ZFHX3: variants seen among roughly 807,000 people sequenced by gnomAD.
ZFHX3 encodes zinc finger homeobox 3, also known as zinc finger homeobox protein 3.
Under a neutral mutation model 279.1 loss-of-function variants are expected in ZFHX3, and 42 were observed. That is an observed-to-expected ratio of 0.15 (90% CI 0.12 to 0.19). The LOEUF is 0.19. ZFHX3 is among the 10% of genes least tolerant of loss of function. The pLI is 1.00. For synonymous variants in ZFHX3, 2,293 were observed against 1,957.8 expected (o/e 1.17, Z -4.52); for missense variants, 4,981 against 4,754.0 (o/e 1.05, Z -1.40).
intron 1 of ZFHX3, among the ~76,000 whole-genome samples, chr16:72,967,170 T>C (rs1961882336): frequency 6.6e-6 from 1 of 152,232 alleles, no homozygotes; most frequent in Non-Finnish European, 1.5e-5. Context: ...CCTTTTCTTT[T>C]TTTCTCTTAG....
chr16:73,436,036 A>T (rs2143525479), intron 3 of ZFHX3, among the ~76,000 whole-genome samples: 1 of 152,360 alleles, frequency 6.6e-6, no homozygotes, highest in South Asian at 2.1e-4. Context: ...TAATTTATAA[A>T]GAAAAAGAGG....
Position 73,168,602 on chromosome 16 carries a change from A to G in ZFHX3, c.-1103-24771T>C, listed in dbSNP as rs1279624681. Among the ~76,000 whole-genome samples the G allele has an allele frequency of 4.6e-5, 7 of 152,162 alleles. No homozygotes were observed. In the East Asian group the frequency reaches 1.2e-3, roughly 25 times the overall value. ...TTCTCTGTACCTAAATGTTCTACTGAGCCCAAATTCTCTTCTCTCCATTCT... is the reference window on the plus strand; with the variant it reads ...TTCTCTGTACCTAAATGTTCTACTGGGCCCAAATTCTCTTCTCTCCATTCT... On this transcript the variant is annotated intron_variant, in intron 5 of 17. Coordinates refer to the ZFHX3 transcript ENST00000641206.
intron 4 of ZFHX3, among the ~76,000 whole-genome samples, chr16:73,285,271 G>A (rs1597262103): frequency 6.6e-6 from 1 of 152,342 alleles, no homozygotes; most frequent in Admixed American, 6.5e-5. Context: ...CCCACAAGGC[G>A]ATGAGGTCCA....
intron 5 of ZFHX3, among the ~76,000 whole-genome samples, chr16:73,250,818 G>A (rs1267588499): frequency 6.6e-6 from 1 of 152,196 alleles, no homozygotes; most frequent in Non-Finnish European, 1.5e-5. Flanking sequence ...ACAAGTGTGA[G>A]CCTTTAAGCC....
chr16:73,695,427 C>T (rs1597070475), intron 1 of ZFHX3, among the ~76,000 whole-genome samples: 1 of 152,006 alleles, frequency 6.6e-6, no homozygotes, highest in East Asian at 1.9e-4. Flanking sequence ...ATAATAATCT[C>T]CTCTCATTTG....
intron 1 of ZFHX3, among the ~76,000 whole-genome samples, chr16:73,706,877 C>T (rs2053310138): frequency 6.6e-6 from 1 of 152,192 alleles, no homozygotes; most frequent in African/African-American, 2.4e-5. Flanking sequence ...ATTATGACTG[C>T]TCCATGAGTT....
chr16:73,659,497 T>C (rs913670675), intron 2 of ZFHX3, among the ~76,000 whole-genome samples: 8 of 152,010 alleles, frequency 5.3e-5, no homozygotes, highest in African/African-American at 1.9e-4. Flanking sequence ...TTCCTAAATG[T>C]TACCCTCAGA....
upstream of ZFHX3, among the ~76,000 whole-genome samples, chr16:73,052,961 T>C (rs754255496): frequency 3.5e-4 from 53 of 152,190 alleles, no homozygotes; most frequent in Non-Finnish European, 6.6e-4. Context: ...GGCTTTCACA[T>C]GGAGCCAAGT....
At chr16:72,850,034 CAA>C (rs1252523664) in intron 4 of ZFHX3, among the ~76,000 whole-genome samples, 1 of 152,058 alleles carries the variant, frequency 6.6e-6, no homozygotes, top group Non-Finnish European at 1.5e-5. Flanking sequence ...TCAGAGCAAA[CAA>C]GAGGATTAGA....
At chr16:73,462,777 G>A (rs1597344737) in intron 2 of ZFHX3, among the ~76,000 whole-genome samples, 1 of 151,972 alleles carries the variant, frequency 6.6e-6, no homozygotes, top group African/African-American at 2.4e-5. Context: ...ACTGAGTCAC[G>A]GTGTATCATT....
intron 1 of ZFHX3, among the ~76,000 whole-genome samples, chr16:73,684,917 T>C (rs1567551350): frequency 6.6e-6 from 1 of 152,118 alleles, no homozygotes; most frequent in Non-Finnish European, 1.5e-5. Context: ...GTCAGGCTGG[T>C]CTTGAACTCC....
chr16:73,662,701 G>A (rs111822524), intron 2 of ZFHX3, among the ~76,000 whole-genome samples: 2 of 152,182 alleles, frequency 1.3e-5, no homozygotes, highest in African/African-American at 4.8e-5. Context: ...ACAAAGCAAT[G>A]CTGAAAGCGA....
intron 1 of ZFHX3, among the ~76,000 whole-genome samples, chr16:73,740,598 T>A (rs2053648543): frequency 6.6e-6 from 1 of 152,222 alleles, no homozygotes; most frequent in Admixed American, 6.5e-5. Flanking sequence ...GGTATTCATT[T>A]TACCATGCTT....
At chr16:73,724,693 C>T (rs1161875615) in intron 1 of ZFHX3, among the ~76,000 whole-genome samples, 1 of 152,238 alleles carries the variant, frequency 6.6e-6, no homozygotes, top group East Asian at 1.9e-4. Context: ...CTCTGCCTAG[C>T]AACTTCCTCG....
intron 1 of ZFHX3, among the ~76,000 whole-genome samples, chr16:73,751,647 C>A (rs1393739195): frequency 1.3e-5 from 2 of 152,104 alleles, no homozygotes; most frequent in Non-Finnish European, 2.9e-5. Context: ...AATACAAATG[C>A]ATAGTTTTAT....
intron 1 of ZFHX3, among the ~76,000 whole-genome samples, chr16:73,782,820 C>A (rs951058106): frequency 1.3e-5 from 2 of 152,124 alleles, no homozygotes; most frequent in African/African-American, 4.8e-5. Context: ...ATGGAGCAGA[C>A]CCTTATCCAA....
intron 1 of ZFHX3, among the ~76,000 whole-genome samples, chr16:73,793,532 C>T (rs569359290): frequency 4.3e-4 from 66 of 152,328 alleles, no homozygotes; most frequent in Non-Finnish European, 7.2e-4. Context: ...TGCTTGACTA[C>T]GCGGTTCATA....
In ZFHX3 at chr16:73,003,519, C is replaced by CT. The variant is rs34361775; in HGVS notation, c.-49-43326_-49-43325insA. Among the ~76,000 whole-genome samples the CT allele has an allele frequency of 2.9e-3, 425 of 144,338 alleles. 12 individuals are homozygous for CT. The highest frequency in any genetic ancestry group is 0.024 in the Admixed American group (348 of 14,248). The allele number at this position is 144,338 out of a possible 152,430, so 94.7% of individuals were successfully genotyped here. ...CCTGGCCAACATGGTGAGACCCCCC[C>CT]CTCCCCACCCCGCCCCATCTCTTAA... On this transcript the variant is annotated intron_variant, in intron 1 of 9. Transcript: ENST00000268489.
In ZFHX3 at chr16:72,793,811, C is replaced by T. The variant is rs180825778; in HGVS notation, c.8871G>A (p.Gln2957=). ...KRFRTQMTNL[Q]LKVLKSCFND... is the part of the protein sequence containing the mutation. ...TAAAGCATGACTTGAGGACCTTCAGCTGCAGATTGGTCATTTGAGTGCGAA... is the reference window on the plus strand; with the variant it reads ...TAAAGCATGACTTGAGGACCTTCAGTTGCAGATTGGTCATTTGAGTGCGAA... Residue 2957 remains glutamine (Q), a synonymous_variant, in exon 9 of 10, where the codon CAG becomes CAA. Transcript: ENST00000268489. This position sits in a 1 kb window ranked among gnomAD's most constrained non-coding sequence, Gnocchi z 4.3. 36 of 1,614,188 alleles carry T rather than the reference C, an allele frequency of 2.2e-5. No individual in the cohort carries two copies. The East Asian group carries it at 5.6e-4, about 25-fold the overall frequency.
Sources: allele counts gnomAD v4.1 joint callset (sites outside exome capture counted in the v4.1 genomes callset), GRCh38; gene constraint gnomAD v4.1.1; non-coding constraint Gnocchi (gnomAD v3.1); transcripts MANE v1.5; gene names NCBI Gene and HGNC (gene_info 2026-07-23, HGNC 2026-07-21).